KIAA1328: variants seen among roughly 807,000 people sequenced by gnomAD.
KIAA1328 encodes the protein protein hinderin.
KIAA1328 carries 52 observed loss-of-function variants against 68.1 expected under a neutral mutation model. That is an observed-to-expected ratio of 0.76 (90% CI 0.61 to 0.96). The LOEUF (loss-of-function observed/expected upper bound fraction) is 0.96. Among genes scored for constraint, KIAA1328 ranks in the 40% least tolerant of loss-of-function variants. KIAA1328 has a pLI of 0.00. For missense variants in KIAA1328, 641 were observed against 677.6 expected (o/e 0.95, Z 0.60); for synonymous variants, 232 against 239.4 (o/e 0.97, Z 0.28).
chr18:36,996,495 T>A (rs1486054797), intron 6 of KIAA1328, among the ~76,000 whole-genome samples: 1 of 152,172 alleles, frequency 6.6e-6, no homozygotes, highest in African/African-American at 2.4e-5. Context: ...GGGCTCTAAA[T>A]TTTAAAAACA....
intron 6 of KIAA1328, among the ~76,000 whole-genome samples, chr18:37,011,162 A>G (rs1478140231): frequency 6.6e-6 from 1 of 152,136 alleles, no homozygotes; most frequent in Non-Finnish European, 1.5e-5. Context: ...GTATGTTAGT[A>G]AAAGATATAG....
At chr18:36,836,018 T>C (rs2046661342) in intron 3 of KIAA1328, among the ~76,000 whole-genome samples, 1 of 152,210 alleles carries the variant, frequency 6.6e-6, no homozygotes, top group Admixed American at 6.5e-5. Flanking sequence ...TTGTTTTACA[T>C]AATTGTCTAT....
chr18:37,056,717 C>T (rs1445152806), intron 6 of KIAA1328, among the ~76,000 whole-genome samples: 1 of 151,106 alleles, frequency 6.6e-6, no homozygotes, highest in Non-Finnish European at 1.5e-5. Flanking sequence ...GTAGTGTGAT[C>T]TCGGCTCACT....
chr18:37,142,836 A>G (rs1454401919), intron 7 of KIAA1328, among the ~76,000 whole-genome samples: 2 of 151,968 alleles, frequency 1.3e-5, no homozygotes, highest in African/African-American at 2.4e-5. Flanking sequence ...ATCAGTTTCT[A>G]TTAAGGAAAT....
chr18:37,052,048 A>G (rs972912076), intron 6 of KIAA1328, among the ~76,000 whole-genome samples: 1 of 152,156 alleles, frequency 6.6e-6, no homozygotes, highest in Non-Finnish European at 1.5e-5. Flanking sequence ...TCTCAAAAAA[A>G]AAAAAACTAC....
At chr18:36,982,132 TA>T (rs1406014297) in intron 6 of KIAA1328, among the ~76,000 whole-genome samples, 5 of 125,358 alleles carry the variant, frequency 4.0e-5, no homozygotes, top group Non-Finnish European at 8.4e-5. Flanking sequence ...AAATATATTA[TA>T]AAAATATAAA....
chr18:37,160,151 T>C, intron 7 of KIAA1328, 49 bp from the exon 8 acceptor site: 1 of 1,484,536 alleles, frequency 6.7e-7, no homozygotes, highest in Non-Finnish European at 9.2e-7. Flanking sequence ...CTATGTGCTC[T>C]GTGTTCCCTT....
chr18:36,907,926 G>T (rs896280669), intron 5 of KIAA1328, among the ~76,000 whole-genome samples: 2 of 152,000 alleles, frequency 1.3e-5, no homozygotes, highest in African/African-American at 4.8e-5. Context: ...CTACAAATTC[G>T]ATTTCTTACA....
At chr18:36,898,059 G>A (rs1360382319) in intron 5 of KIAA1328, among the ~76,000 whole-genome samples, 4 of 151,952 alleles carry the variant, frequency 2.6e-5, no homozygotes, top group Non-Finnish European at 5.9e-5. Flanking sequence ...ATATGTAACT[G>A]TTTTAGAATT....
chr18:37,145,682 G>T (rs2058881953), intron 7 of KIAA1328, among the ~76,000 whole-genome samples: 1 of 151,966 alleles, frequency 6.6e-6, no homozygotes, highest in Non-Finnish European at 1.5e-5. Flanking sequence ...CTGATTATTT[G>T]CCCCTTTTAT....
chr18:37,153,536 C>G (rs2059084988), intron 7 of KIAA1328, among the ~76,000 whole-genome samples: 1 of 151,122 alleles, frequency 6.6e-6, no homozygotes, highest in Admixed American at 6.6e-5. Flanking sequence ...CTATATATAC[C>G]TATATATAGA....
At chr18:37,211,059 G>A (rs2060306492) in intron 9 of KIAA1328, among the ~76,000 whole-genome samples, 1 of 152,156 alleles carries the variant, frequency 6.6e-6, no homozygotes, top group Admixed American at 6.6e-5. Flanking sequence ...ATAAACATTT[G>A]TACTTGAGTA....
Position 36,887,066 on chromosome 18 carries a change from A to G in KIAA1328, c.448+1394A>G, listed in dbSNP as rs2048525521. Reference sequence around the variant, plus strand: ...TAGATGAGTGCTTTTTCAATTATTAATTTTTTCTACATCTCTAGCATTTGG... The same window carrying G: ...TAGATGAGTGCTTTTTCAATTATTAGTTTTTTCTACATCTCTAGCATTTGG... On this transcript the variant is annotated intron_variant, in intron 5 of 9. Transcript: ENST00000280020. Among the ~76,000 whole-genome samples, 2 of 148,406 alleles carry G rather than the reference A, an allele frequency of 1.3e-5. 1 individual carries two copies. Among genetic ancestry groups the G allele is most frequent in the South Asian group, 4.2e-4 (2 of 4,754 alleles).
At chr18:37,011,977 C>T (rs1427352340) in intron 6 of KIAA1328, among the ~76,000 whole-genome samples, 2 of 152,008 alleles carry the variant, frequency 1.3e-5, no homozygotes, top group African/African-American at 4.8e-5. Context: ...AAAAAGGCCG[C>T]ATTTTTAGTA....
chr18:37,170,921 G>A (rs966420644), intron 8 of KIAA1328, among the ~76,000 whole-genome samples: 10 of 152,108 alleles, frequency 6.6e-5, no homozygotes, highest in Non-Finnish European at 1.3e-4. Flanking sequence ...GACTAAGGCC[G>A]GGAGCAGTTA....
intron 6 of KIAA1328, among the ~76,000 whole-genome samples, chr18:36,990,200 T>C (rs977223249): frequency 2.0e-5 from 3 of 152,182 alleles, no homozygotes; most frequent in Non-Finnish European, 4.4e-5. Context: ...TCTAATCTTA[T>C]ACATTTAATT....
At chr18:37,010,241 G>A (rs544676427) in intron 6 of KIAA1328, among the ~76,000 whole-genome samples, 12 of 151,828 alleles carry the variant, frequency 7.9e-5, no homozygotes, top group African/African-American at 2.4e-4. Context: ...TCAGAAGTTC[G>A]AGACGATTGT....
chr18:37,160,897 T>C (rs189442965), intron 8 of KIAA1328, among the ~76,000 whole-genome samples: 1 of 152,338 alleles, frequency 6.6e-6, no homozygotes, highest in Non-Finnish European at 1.5e-5. Context: ...TGGTAGACTT[T>C]AAAGAAATCA....
intron 6 of KIAA1328, among the ~76,000 whole-genome samples, chr18:37,008,662 C>T (rs893500873): frequency 6.6e-6 from 1 of 152,102 alleles, no homozygotes; most frequent in African/African-American, 2.4e-5. Flanking sequence ...GGTAAATACA[C>T]TTGAAATTAA....
Sources: gnomAD v4.1 joint callset for allele counts (sites outside exome capture counted in the v4.1 genomes callset) on GRCh38, gnomAD v4.1.1 for gene constraint, MANE v1.5 for transcripts, NCBI Gene and HGNC (gene_info 2026-07-23, HGNC 2026-07-21) for gene names.